Variants in URB1 observed in about 807,000 individuals in gnomAD.
URB1 encodes the protein nucleolar pre-ribosomal-associated protein 1.
URB1 carries 197 observed loss-of-function variants against 242.3 expected under a neutral mutation model. The ratio of observed to expected loss-of-function variants is 0.81; its 90% confidence interval spans 0.72 to 0.91. The LOEUF is 0.91. URB1 is among the 40% of genes least tolerant of loss of function. URB1 has a pLI of 0.00. For synonymous variants in URB1, 1,153 were observed against 1,201.8 expected, an observed-to-expected ratio of 0.96 and a Z score of 0.84; for missense variants, 2,721 against 2,860.5, an observed-to-expected ratio of 0.95 and a Z score of 1.11.
At position 32,311,837 on chromosome 21, in the gene URB1, C is replaced by T. The variant is rs2032583770; in HGVS notation, c.*3081G>A. ...AGCCAGGGAGCAGAACTGGCCCTGA[C>T]CAGCCGCTACGACAGGAGAGCTCCT... On this transcript the variant is annotated 3_prime_UTR_variant, in exon 39 of 39. Transcript: ENST00000382751. 6.2e-7 allele frequency: 1 copy of T among 1,614,020 alleles called. No homozygotes were observed.
chr21:32,351,060 C>T, intron 19 of URB1, 138 bp from the exon 20 acceptor site: 2 of 900,396 alleles, frequency 2.2e-6, no homozygotes, highest in Non-Finnish European at 3.3e-6. Context: ...GAATACGGGA[C>T]CGTGTGGCAT....
At chr21:32,383,124 G>C (rs1455272573) in intron 4 of URB1, among the ~76,000 whole-genome samples, 1 of 152,202 alleles carries the variant, frequency 6.6e-6, no homozygotes, top group Non-Finnish European at 1.5e-5. Context: ...TACCAGGAGA[G>C]GAGATGCCCA....
At chr21:32,330,864 T>C (rs2032885602) in intron 30 of URB1, among the ~76,000 whole-genome samples, 1 of 152,206 alleles carries the variant, frequency 6.6e-6, no homozygotes, top group African/African-American at 2.4e-5. Flanking sequence ...AAATCCAGCT[T>C]CAGCAACAGA....
At chr21:32,317,089 T>G in intron 37 of URB1, 24 bp from the exon 38 acceptor site, 1 of 1,502,024 alleles carries the variant, frequency 6.7e-7, no homozygotes, top group Non-Finnish European at 8.9e-7. Flanking sequence ...AAAGAGAAGG[T>G]AATGAGACTG....
intron 26 of URB1, 71 bp downstream of exon 26, chr21:32,338,636 G>T: frequency 6.6e-7 from 1 of 1,509,566 alleles, no homozygotes; most frequent in Non-Finnish European, 9.0e-7. Flanking sequence ...ATGAGCCTCA[G>T]TGCAGCCAGT....
At chr21:32,359,102 T>G (rs1249813975) in intron 14 of URB1, among the ~76,000 whole-genome samples, 1 of 152,188 alleles carries the variant, frequency 6.6e-6, no homozygotes, top group Non-Finnish European at 1.5e-5. Context: ...CGTGTAGAAA[T>G]GCCAACATAC....
intron 36 of URB1, 73 bp downstream of exon 36, chr21:32,319,142 ATG>A: frequency 7.1e-7 from 1 of 1,416,358 alleles, no homozygotes; most frequent in Non-Finnish European, 9.5e-7. Context: ...TGACTGAGAC[ATG>A]GTGTCCACAG....
intron 1 of URB1, among the ~76,000 whole-genome samples, chr21:32,389,707 G>C (rs770135826): frequency 6.6e-6 from 1 of 152,230 alleles, no homozygotes; most frequent in African/African-American, 2.4e-5. Flanking sequence ...GTGGGGAGAA[G>C]GAGATCAAGA....
intron 7 of URB1, among the ~76,000 whole-genome samples, 177 bp from the exon 8 acceptor site, chr21:32,372,808 TAAAAG>T (rs2033420890): frequency 6.6e-6 from 1 of 152,196 alleles, no homozygotes; most frequent in Non-Finnish European, 1.5e-5. Flanking sequence ...CCGATCAAGA[TAAAAG>T]AATACTCTGA....
At position 32,325,251 on chromosome 21, in the gene URB1, G is replaced by A. The variant is rs2032815957; in HGVS notation, c.5099C>T (p.Ala1700Val). The A allele has an allele frequency of 1.3e-6, 2 of 1,551,576 alleles. No individual in the cohort carries two copies. The highest frequency in any genetic ancestry group is 8.7e-7 in the Non-Finnish European group (1 of 1,146,930). ...LAAYYSHLEG[A>V]RFQEQSQLLY... ...TACCTGGGACTGCTCTTGGAACCGT[G>A]CGCCCTCCAAGTGCGAGTAGTAGGC... The change falls in exon 31 of 39, where the codon GCA becomes GTA. Residue 1700 changes from alanine (A) to valine (V), a missense_variant. By Grantham distance (64) the Ala-to-Val change is moderately conservative. Transcript: ENST00000382751.
At chr21:32,340,490 G>C (rs1015080318) in intron 25 of URB1, among the ~76,000 whole-genome samples, 1 of 152,190 alleles carries the variant, frequency 6.6e-6, no homozygotes. Flanking sequence ...GTGCGTGCCT[G>C]TGGACTCAGC....
rs142941467 is a variant in URB1 at position 32,347,188 on chromosome 21, G to A, written c.3636C>T (p.Pro1212=). 336 of 1,549,602 alleles carry A rather than the reference G, an allele frequency of 2.2e-4. No individual in the cohort carries two copies. In the East Asian group the frequency reaches 3.4e-3, roughly 16 times the overall value. ...AGTCAAGCAGATCAGCCCCGACTGC[G>A]GGGGCCAGCACAGGGTCTCTCTGCA... is the stretch of plus-strand genomic sequence containing the variant. The part of the protein sequence containing the change: ...HTLQRDPVLA[P]AVGADLLDYC... Residue 1212 remains proline (P), a synonymous_variant, in exon 22 of 39, where the codon CCC becomes CCT. Coordinates refer to ENST00000382751, the MANE Select transcript of URB1 (RefSeq NM_014825.3).
At chr21:32,325,531 T>A in intron 30 of URB1, 142 bp from the exon 31 acceptor site, 16 of 1,121,880 alleles carry the variant, frequency 1.4e-5, no homozygotes, top group Non-Finnish European at 2.0e-5. Context: ...CTCCAACTCC[T>A]CCTAACTTCT....
In URB1 at chr21:32,392,814, C is replaced by A. The variant is rs1568837717; in HGVS notation, c.97G>T (p.Val33Leu). The A allele has an allele frequency of 3.3e-6, 5 of 1,529,918 alleles. No homozygotes were observed. The East Asian group carries it at 9.9e-5, about 30-fold the overall frequency. 94.8% of individuals were successfully genotyped at this position (1,529,918 alleles called of 1,614,324 possible). Reference sequence around the variant, plus strand: ...TCCTTCAGCTGAGCCTTGAACCGCACGCCCGTGAGCTCTTCTTTGCGGGCG... The same window carrying A: ...TCCTTCAGCTGAGCCTTGAACCGCAAGCCCGTGAGCTCTTCTTTGCGGGCG... ...KRARKEELTG[V>L]RFKAQLKDPQ... Residue 33 changes from valine to leucine, a missense_variant, in exon 1 of 39, where the codon GTG (valine) becomes TTG (leucine). Val to Leu is a conservative substitution (Grantham distance 32). Transcript: ENST00000382751.
At chr21:32,324,650 G>T in intron 31 of URB1, 48 bp from the exon 32 acceptor site, 1 of 1,404,254 alleles carries the variant, frequency 7.1e-7, no homozygotes, top group Non-Finnish European at 9.9e-7. Flanking sequence ...CGTGTTCAGA[G>T]CTATGGTCAG....
At chr21:32,381,876 T>C (rs572669443) in intron 4 of URB1, among the ~76,000 whole-genome samples, 10 of 152,344 alleles carry the variant, frequency 6.6e-5, no homozygotes, top group Admixed American at 1.3e-4. Flanking sequence ...TTCCTCACGC[T>C]GCTCTATTTT....
chr21:32,319,746 T>A (rs1291693179), intron 35 of URB1, among the ~76,000 whole-genome samples: 1 of 152,234 alleles, frequency 6.6e-6, no homozygotes. Context: ...TGAAACAGTC[T>A]TGAAGTTGAT....
Position 32,316,497 on chromosome 21 carries a change from A to G in URB1, c.6603T>C (p.Ser2201=), listed in dbSNP as rs2032687324. 1 of 1,540,044 alleles carries G rather than the reference A, an allele frequency of 6.5e-7. No individual in the cohort carries two copies. The highest frequency in any genetic ancestry group is 1.4e-5 in the African/African-American group (1 of 72,772). ...TGGCTTCATCCTTCTCACTCAGAGA[A>G]GACAGGGAGAGGGCTTCCATGGCCG... is the stretch of plus-strand genomic sequence containing the variant. ...FHPAMEALSL[S]SLSEKDEATQ... The change falls in exon 38 of 39, where the codon TCT becomes TCC. Residue 2201 remains serine (S), a synonymous_variant. Coordinates refer to ENST00000382751, the MANE Select transcript of URB1 (RefSeq NM_014825.3).
At position 32,325,317 on chromosome 21, in the gene URB1, T is replaced by C. The variant is rs1236342250; in HGVS notation, c.5033A>G (p.Tyr1678Cys). 3.2e-6 allele frequency: 5 copies of C among 1,551,734 alleles called. No homozygotes were observed. In the South Asian group the frequency reaches 4.8e-5, roughly 15 times the overall value. ...LGLTVTALSS[Y>C]DPQMRAIAYH... ...GGCTATGGCTCGCATCTGGGGGTCATAGCTGCTGAGGGCTGTGACAGTTAG... is the reference window on the plus strand; with the variant it reads ...GGCTATGGCTCGCATCTGGGGGTCACAGCTGCTGAGGGCTGTGACAGTTAG... Residue 1678 changes from tyrosine (Y) to cysteine (C), a missense_variant, in exon 31 of 39, where the codon TAT becomes TGT. Transcript: ENST00000382751.
Sources: allele counts gnomAD v4.1 joint callset (sites outside exome capture counted in the v4.1 genomes callset), GRCh38; gene constraint gnomAD v4.1.1; transcripts MANE v1.5; gene names NCBI Gene and HGNC (gene_info 2026-07-23, HGNC 2026-07-21).